Variants in APBB2 observed in about 807,000 individuals in gnomAD.
The protein encoded by APBB2 is amyloid beta precursor protein binding family B member 2.
Under a neutral mutation model 82.5 loss-of-function variants are expected in APBB2, and 38 were observed. The observed-to-expected ratio is 0.46, with a 90% CI of 0.36 to 0.60. APBB2 has a LOEUF of 0.60. APBB2 is among the 20% of genes least tolerant of loss of function. The pLI is 0.00. For missense variants in APBB2, 772 were observed against 972.3 expected (o/e 0.79, Z 2.74); for synonymous variants, 341 against 368.2 (o/e 0.93, Z 0.85).
chr4:41,179,537 A>G (rs1770766552), intron 1 of APBB2, among the ~76,000 whole-genome samples: 1 of 152,156 alleles, frequency 6.6e-6, no homozygotes. Context: ...TCAAAAGAAC[A>G]CACAATTAAA....
At chr4:40,863,443 AG>A (rs1189946249) in intron 12 of APBB2, among the ~76,000 whole-genome samples, 14 of 152,220 alleles carry the variant, frequency 9.2e-5, no homozygotes, top group African/African-American at 2.9e-4. Flanking sequence ...GGGTCTGGGT[AG>A]GGCCCTGTCG....
In APBB2 at chr4:41,141,322, GTGTGTGTGTC is replaced by G. The variant is rs1289169542; in HGVS notation, c.-261+1655_-261+1664del. On this transcript the variant is annotated intron_variant, in intron 2 of 17. Transcript: ENST00000508593. ...CAAAAATATGTGTGTGTCTGTGTGT[GTGTGTGTGTC>G]TGTGTGTGTGTGTGTCTGTGTGTCT... Among the ~76,000 whole-genome samples, 511 of 59,100 alleles carry G rather than the reference GTGTGTGTGTC, an allele frequency of 8.6e-3. 4 individuals carry two copies. The highest frequency in any genetic ancestry group is 0.032 in the African/African-American group (476 of 15,026). 38.8% of individuals were successfully genotyped at this position (59,100 alleles called of 152,430 possible). A position where few individuals can be genotyped will look rare whatever the true frequency, so the allele number is the denominator to read the frequency against.
intron 2 of APBB2, among the ~76,000 whole-genome samples, chr4:41,123,742 G>C (rs1421515372): frequency 2.6e-5 from 4 of 152,050 alleles, no homozygotes; most frequent in Non-Finnish European, 4.4e-5. Context: ...AGAATTGCTT[G>C]AAGTTGGAAG....
At chr4:41,075,146 A>G (rs1158905251) in intron 3 of APBB2, among the ~76,000 whole-genome samples, 12 of 152,154 alleles carry the variant, frequency 7.9e-5, no homozygotes, top group Non-Finnish European at 2.9e-5. Context: ...AAAAAACAAA[A>G]GAAATCAGAT....
intron 4 of APBB2, among the ~76,000 whole-genome samples, chr4:41,053,104 C>G (rs1383885317): frequency 2.0e-5 from 3 of 152,154 alleles, no homozygotes; most frequent in African/African-American, 7.2e-5. Flanking sequence ...CATAGGGTAA[C>G]TGCACATATT....
In APBB2 at chr4:41,059,546, G is replaced by A. The variant is rs564049622; in HGVS notation, c.-51+6030C>T. On this transcript the variant is annotated intron_variant, in intron 4 of 17. Coordinates refer to ENST00000508593, the MANE Select transcript of APBB2 (RefSeq NM_004307.2). ...AATGAGGGCAAGGAACACCTGGCCC[G>A]CCCAGGGCGGAAAACCGCTTAAAGG... 5.9e-5 allele frequency among the ~76,000 whole-genome samples: 9 copies of A among 152,366 alleles called. No homozygotes were observed. In the East Asian group the frequency reaches 1.2e-3, roughly 20 times the overall value.
intron 6 of APBB2, among the ~76,000 whole-genome samples, chr4:40,997,531 T>A (rs971855509): frequency 2.0e-5 from 3 of 152,208 alleles, no homozygotes; most frequent in African/African-American, 7.2e-5. Flanking sequence ...TCTCTCACAG[T>A]TATCATTCTT....
chr4:41,041,381 T>C (rs1321535161), intron 4 of APBB2, among the ~76,000 whole-genome samples: 1 of 152,256 alleles, frequency 6.6e-6, no homozygotes, highest in Non-Finnish European at 1.5e-5. Flanking sequence ...GTATATGGAA[T>C]GCAAAATTTC....
In APBB2 at chr4:40,829,106, A is replaced by G. The variant is rs76331564; in HGVS notation, c.1644+1357T>C. 1.4e-3 allele frequency among the ~76,000 whole-genome samples: 214 copies of G among 152,340 alleles called. 3 individuals carry two copies. In the East Asian group the frequency reaches 0.02, roughly 14 times the overall value. On this transcript the variant is annotated intron_variant, in intron 13 of 17. Coordinates refer to ENST00000508593, the MANE Select transcript of APBB2 (RefSeq NM_004307.2). ...GTCTGGGGCATGGAAAGGGCTGGCTAAAAGAAGCTTGTGCCAGTGTGTTGG... is the reference window on the plus strand; with the variant it reads ...GTCTGGGGCATGGAAAGGGCTGGCTGAAAGAAGCTTGTGCCAGTGTGTTGG...
At chr4:40,928,728 T>C (rs371924490) in intron 10 of APBB2, among the ~76,000 whole-genome samples, 1 of 150,768 alleles carries the variant, frequency 6.6e-6, no homozygotes, top group Non-Finnish European at 1.5e-5. Context: ...CTACTAAAAA[T>C]AAAAAAATTA....
rs559400088 is a variant in APBB2 at position 40,940,237 on chromosome 4, T to C, written c.1044+4628A>G. On this transcript the variant is annotated intron_variant, in intron 7 of 17. Transcript: ENST00000508593. The stretch of plus-strand genomic sequence containing the variant: ...AAGAGCAGTAGCTCTGGGGAGACAA[T>C]GGGGTGAGGCCAAATAATTTTTGAG... Among the ~76,000 whole-genome samples, 28 of 152,200 alleles carry C rather than the reference T, an allele frequency of 1.8e-4. 2 individuals are homozygous for C. The highest frequency in any genetic ancestry group is 6.5e-4 in the African/African-American group (27 of 41,530).
At chr4:41,129,024 C>T (rs1432748508) in intron 2 of APBB2, among the ~76,000 whole-genome samples, 1 of 152,100 alleles carries the variant, frequency 6.6e-6, no homozygotes, top group Non-Finnish European at 1.5e-5. Flanking sequence ...CACACCGTGT[C>T]TTTGACCAAA....
At chr4:40,966,261 C>T (rs1305112086) in intron 6 of APBB2, among the ~76,000 whole-genome samples, 5 of 152,168 alleles carry the variant, frequency 3.3e-5, no homozygotes, top group Non-Finnish European at 1.5e-5. Context: ...TATGCACGAA[C>T]TGCTATGTAG....
intron 4 of APBB2, among the ~76,000 whole-genome samples, chr4:41,037,117 T>G (rs1719507248): frequency 6.6e-6 from 1 of 152,234 alleles, no homozygotes; most frequent in Non-Finnish European, 1.5e-5. Context: ...AGTTGATATT[T>G]GACTCTTATT....
At chr4:41,191,319 C>G (rs1774374376) in intron 1 of APBB2, among the ~76,000 whole-genome samples, 1 of 152,200 alleles carries the variant, frequency 6.6e-6, no homozygotes, top group Non-Finnish European at 1.5e-5. Context: ...TATGAACAAT[C>G]TGCAACAATC....
At chr4:40,951,585 C>G (rs1237308728) in intron 6 of APBB2, among the ~76,000 whole-genome samples, 1 of 152,190 alleles carries the variant, frequency 6.6e-6, no homozygotes, top group Admixed American at 6.5e-5. Context: ...CTCAGCCACT[C>G]CCTATGTGAG....
At position 41,063,950 on chromosome 4, in the gene APBB2, A is replaced by ATTTT. The variant is rs11422110; in HGVS notation, c.-51+1622_-51+1625dup. 1.3e-3 allele frequency among the ~76,000 whole-genome samples: 123 copies of ATTTT among 91,772 alleles called. 4 individuals carry two copies. Among genetic ancestry groups the ATTTT allele is most frequent in the African/African-American group, 2.5e-3 (56 of 22,244 alleles). The allele number at this position is 91,772 out of a possible 152,430, so 60.2% of individuals were successfully genotyped here. Reference sequence around the variant, plus strand: ...TACCTCAGCCTCCCAAAATGCTGGGATTTTTTTTTTTTTTTTTTTTTTTTG... The same window carrying ATTTT: ...TACCTCAGCCTCCCAAAATGCTGGGATTTTTTTTTTTTTTTTTTTTTTTTTTTTG... On this transcript the variant is annotated intron_variant, in intron 4 of 17. Transcript: ENST00000508593.
chr4:40,870,300 G>A (rs1765127836), intron 12 of APBB2, among the ~76,000 whole-genome samples: 1 of 152,200 alleles, frequency 6.6e-6, no homozygotes, highest in African/African-American at 2.4e-5. Context: ...CAGCGCAGAG[G>A]GAGGGACAAC....
intron 12 of APBB2, among the ~76,000 whole-genome samples, chr4:40,859,287 ATT>A (rs34512213): frequency 1.1e-3 from 158 of 141,900 alleles, no homozygotes; most frequent in Admixed American, 1.8e-3. Flanking sequence ...GGCTGCTGTC[ATT>A]TTTTTTTTTT....
Sources: gnomAD v4.1 joint callset for allele counts (sites outside exome capture counted in the v4.1 genomes callset) on GRCh38, gnomAD v4.1.1 for gene constraint, MANE v1.5 for transcripts, NCBI Gene and HGNC (gene_info 2026-07-23, HGNC 2026-07-21) for gene names.